SSBP3: variants seen among roughly 807,000 people sequenced by gnomAD.
The protein encoded by SSBP3 is single stranded DNA binding protein 3.
A neutral mutation model predicts 69.6 loss-of-function variants in SSBP3; 5 were observed. The observed-to-expected ratio is 0.07, with a 90% CI of 0.04 to 0.15. The LOEUF (loss-of-function observed/expected upper bound fraction) is 0.15. SSBP3 is among the 10% of genes least tolerant of loss of function. The pLI is 1.00. For missense variants in SSBP3, 312 were observed against 534.0 expected (o/e 0.58, Z 4.10); for synonymous variants, 196 against 193.4 (o/e 1.01, Z -0.11).
intron 5 of SSBP3, among the ~76,000 whole-genome samples, chr1:54,271,014 G>A (rs949522088): frequency 2.0e-5 from 3 of 152,226 alleles, no homozygotes; most frequent in South Asian, 2.1e-4. Flanking sequence ...TGACTGGCAC[G>A]CTGGGAGCTC....
At chr1:54,358,787 G>A (rs1230025104) in intron 4 of SSBP3, among the ~76,000 whole-genome samples, 2 of 152,152 alleles carry the variant, frequency 1.3e-5, no homozygotes, top group Admixed American at 1.3e-4. Flanking sequence ...GGGAAATTCC[G>A]CCCACAGCTC....
intron 4 of SSBP3, among the ~76,000 whole-genome samples, chr1:54,298,706 T>TCTCCCTGACCCCTTCCAC (rs1401864989): frequency 6.6e-6 from 1 of 151,912 alleles, no homozygotes; most frequent in Non-Finnish European, 1.5e-5. Context: ...CCACTCACTC[T>TCTCCCTGACCCCTTCCAC]CTCCCTGACC....
chr1:54,385,892 G>A (rs758593714), intron 4 of SSBP3, among the ~76,000 whole-genome samples: 10 of 152,058 alleles, frequency 6.6e-5, no homozygotes, highest in Non-Finnish European at 8.8e-5. Flanking sequence ...AAAAGCTCTC[G>A]TTCTCTGCAC....
intron 4 of SSBP3, among the ~76,000 whole-genome samples, chr1:54,314,802 G>A (rs1326559263): frequency 3.9e-5 from 6 of 152,194 alleles, no homozygotes; most frequent in Admixed American, 1.3e-4. Flanking sequence ...CAAAGGAGGT[G>A]AATGAGGAGG....
At chr1:54,341,414 C>T (rs775130537) in intron 4 of SSBP3, among the ~76,000 whole-genome samples, 2 of 152,226 alleles carry the variant, frequency 1.3e-5, no homozygotes, top group Admixed American at 6.5e-5. Flanking sequence ...TAAAAAATTA[C>T]AGTGATTTCT....
At chr1:54,289,600 G>C (rs1483240110) in intron 4 of SSBP3, among the ~76,000 whole-genome samples, 1 of 152,182 alleles carries the variant, frequency 6.6e-6, no homozygotes, top group Non-Finnish European at 1.5e-5. Flanking sequence ...GGCGCTGTGA[G>C]CGGGGATTAG....
chr1:54,302,755 T>C (rs1645825762), intron 4 of SSBP3, among the ~76,000 whole-genome samples: 1 of 152,082 alleles, frequency 6.6e-6, no homozygotes, highest in Non-Finnish European at 1.5e-5. Flanking sequence ...TCCACCACAT[T>C]AGAGGATGTT....
intron 7 of SSBP3, chr1:54,255,538 C>T (rs1305885811): frequency 6.6e-6 from 1 of 152,158 alleles, no homozygotes; most frequent in Non-Finnish European, 1.5e-5. Flanking sequence ...TAGCACTGGG[C>T]TGGAACCAAG....
At chr1:54,298,388 C>A (rs954742398) in intron 4 of SSBP3, among the ~76,000 whole-genome samples, 9 of 152,182 alleles carry the variant, frequency 5.9e-5, no homozygotes, top group Non-Finnish European at 1.2e-4. Context: ...GCAGTCCCAG[C>A]AAGGGTGTGG....
intron 4 of SSBP3, among the ~76,000 whole-genome samples, chr1:54,382,148 T>C (rs1389176402): frequency 6.6e-6 from 1 of 152,162 alleles, no homozygotes; most frequent in East Asian, 1.9e-4. Flanking sequence ...GAGCCGAGAC[T>C]GTGCCACTGC....
chr1:54,284,736 T>C (rs1034312812), intron 4 of SSBP3, among the ~76,000 whole-genome samples: 1 of 152,106 alleles, frequency 6.6e-6, no homozygotes, highest in East Asian at 1.9e-4. Flanking sequence ...CCAAAAGTGC[T>C]AGCATTACAG....
intron 14 of SSBP3, among the ~76,000 whole-genome samples, chr1:54,233,037 A>G (rs144368890): frequency 0.027 from 4,029 of 147,814 alleles, 174 homozygotes; most frequent in African/African-American, 0.097. Context: ...CTGCCTGGCC[A>G]CCCATCGTCT....
At chr1:54,317,776 T>C (rs1646139943) in intron 4 of SSBP3, among the ~76,000 whole-genome samples, 1 of 152,156 alleles carries the variant, frequency 6.6e-6, no homozygotes, top group Admixed American at 6.5e-5. Flanking sequence ...TTTGTTTTTG[T>C]TTTTTTAAGA....
At chr1:54,256,074 TA>T (rs578238303) in intron 7 of SSBP3, among the ~76,000 whole-genome samples, 666 of 141,356 alleles carry the variant, frequency 4.7e-3, no homozygotes, top group Middle Eastern at 7.5e-3. Flanking sequence ...AGACTCCGGT[TA>T]AAAAAAAAAA....
intron 4 of SSBP3, among the ~76,000 whole-genome samples, chr1:54,381,603 G>T (rs534509783): frequency 1.2e-4 from 19 of 152,158 alleles, no homozygotes; most frequent in African/African-American, 4.6e-4. Flanking sequence ...CCCCCACCTC[G>T]GTGGGGCACC....
chr1:54,246,172 G>A (rs974695168), intron 9 of SSBP3, among the ~76,000 whole-genome samples: 5 of 152,186 alleles, frequency 3.3e-5, no homozygotes, highest in South Asian at 4.1e-4. Context: ...GAAGTGCCCC[G>A]TAAGCCCTAG....
chr1:54,314,380 C>A (rs951086600), intron 4 of SSBP3, among the ~76,000 whole-genome samples: 1 of 152,232 alleles, frequency 6.6e-6, no homozygotes, highest in Non-Finnish European at 1.5e-5. Flanking sequence ...CTCCACTTCA[C>A]AGAGCTGTGA....
chr1:54,370,859 T>C (rs1022293201), intron 4 of SSBP3, among the ~76,000 whole-genome samples: 2 of 151,976 alleles, frequency 1.3e-5, no homozygotes, highest in East Asian at 3.9e-4. Flanking sequence ...CTCAGCTCAA[T>C]TTTAGACTTG....
At chr1:54,312,145 A>T (rs1297600966) in intron 4 of SSBP3, among the ~76,000 whole-genome samples, 2 of 152,186 alleles carry the variant, frequency 1.3e-5, no homozygotes, top group Admixed American at 1.3e-4. Flanking sequence ...AAGAATATGC[A>T]GTGGCCAGGC....
Sources: allele counts gnomAD v4.1 joint callset (sites outside exome capture counted in the v4.1 genomes callset), GRCh38; gene constraint gnomAD v4.1.1; transcripts MANE v1.5; gene names NCBI Gene and HGNC (gene_info 2026-07-23, HGNC 2026-07-21).